Variants in CPA6 observed in about 807,000 individuals in gnomAD.
The protein encoded by CPA6 is carboxypeptidase B.
A neutral mutation model predicts 63.3 loss-of-function variants in CPA6; 58 were observed. The observed-to-expected ratio is 0.92, with a 90% confidence interval of 0.74 to 1.14. The LOEUF is 1.14. Among genes scored for constraint, CPA6 ranks in the 50% most tolerant of loss-of-function variants. The pLI is 0.00. For missense variants in CPA6, 565 were observed against 526.6 expected (o/e 1.07, Z -0.71); for synonymous variants, 185 against 179.0 (o/e 1.03, Z -0.27).
At chr8:67,460,551 T>C (rs1221337580) in intron 8 of CPA6, among the ~76,000 whole-genome samples, 1 of 152,200 alleles carries the variant, frequency 6.6e-6, no homozygotes, top group East Asian at 1.9e-4. Context: ...TCCCAATCTA[T>C]GAGTAGTGAA....
chr8:67,662,398 T>TAC (rs1816129276), intron 1 of CPA6, among the ~76,000 whole-genome samples: 1 of 150,376 alleles, frequency 6.6e-6, no homozygotes, highest in South Asian at 2.1e-4. Flanking sequence ...TGAGACTACA[T>TAC]ATATACACAC....
chr8:67,428,281 C>G (rs1438849013), intron 9 of CPA6, 150 bp from the exon 10 acceptor site: 9 of 537,426 alleles, frequency 1.7e-5, no homozygotes, highest in Non-Finnish European at 2.6e-5. Flanking sequence ...TCTTATGTCA[C>G]ACGCTACATT....
intron 2 of CPA6, among the ~76,000 whole-genome samples, chr8:67,601,488 T>G (rs1396250138): frequency 6.6e-6 from 1 of 152,140 alleles, no homozygotes; most frequent in Non-Finnish European, 1.5e-5. Flanking sequence ...CCACACAGAA[T>G]TGTTTTGGCA....
intron 2 of CPA6, among the ~76,000 whole-genome samples, chr8:67,518,695 G>C (rs1812200511): frequency 6.6e-6 from 1 of 151,238 alleles, no homozygotes; most frequent in Non-Finnish European, 1.5e-5. Flanking sequence ...TTTTTTAGTA[G>C]AGACAGGGTT....
At chr8:67,638,197 C>T (rs904371833) in intron 1 of CPA6, among the ~76,000 whole-genome samples, 6 of 151,164 alleles carry the variant, frequency 4.0e-5, no homozygotes, top group Non-Finnish European at 7.4e-5. Context: ...GAATTCAGAC[C>T]ACAGACTCCC....
intron 1 of CPA6, among the ~76,000 whole-genome samples, chr8:67,689,852 C>T (rs981597724): frequency 2.0e-5 from 3 of 152,224 alleles, no homozygotes; most frequent in African/African-American, 7.2e-5. Flanking sequence ...AATCTCCAAA[C>T]TGCTTTCCAC....
intron 1 of CPA6, among the ~76,000 whole-genome samples, chr8:67,710,404 C>CCA (rs1817232544): frequency 9.1e-6 from 1 of 109,752 alleles, no homozygotes; most frequent in African/African-American, 6.7e-5. Flanking sequence ...CCCGCCCCCA[C>CCA]CCCCCCCCAA....
At chr8:67,640,801 C>A (rs976767067) in intron 1 of CPA6, among the ~76,000 whole-genome samples, 1 of 151,570 alleles carries the variant, frequency 6.6e-6, no homozygotes, top group Admixed American at 6.6e-5. Flanking sequence ...CTCCTGTCTG[C>A]ATTTTCCCCA....
At chr8:67,614,618 C>A (rs1158454620) in intron 2 of CPA6, among the ~76,000 whole-genome samples, 2 of 152,148 alleles carry the variant, frequency 1.3e-5, no homozygotes, top group Non-Finnish European at 2.9e-5. Context: ...TACTAGAAAT[C>A]TTTCCCCTAA....
chr8:67,516,825 T>C (rs1181627983), intron 3 of CPA6, among the ~76,000 whole-genome samples: 1 of 152,052 alleles, frequency 6.6e-6, no homozygotes, highest in Non-Finnish European at 1.5e-5. Flanking sequence ...GCAGACAGCC[T>C]GCACTCTGTT....
intron 1 of CPA6, among the ~76,000 whole-genome samples, chr8:67,637,642 T>G (rs116756674): frequency 6.6e-6 from 1 of 151,332 alleles, no homozygotes; most frequent in Admixed American, 6.6e-5. Flanking sequence ...TAGGGGAAAA[T>G]TTTTCAAAGA....
intron 1 of CPA6, among the ~76,000 whole-genome samples, chr8:67,718,821 A>AT (rs1293321434): frequency 6.6e-6 from 1 of 151,856 alleles, no homozygotes; most frequent in African/African-American, 2.4e-5. Flanking sequence ...TAATTTTTGT[A>AT]TTTTTAGTAG....
intron 2 of CPA6, among the ~76,000 whole-genome samples, chr8:67,575,821 A>T (rs535446292): frequency 7.2e-5 from 11 of 151,824 alleles, no homozygotes; most frequent in Admixed American, 6.6e-4. Context: ...CAGCCTGGGC[A>T]ACAGAGTGAG....
intron 2 of CPA6, among the ~76,000 whole-genome samples, chr8:67,567,765 G>A (rs572778498): frequency 2.6e-5 from 4 of 152,254 alleles, no homozygotes; most frequent in Admixed American, 6.5e-5. Context: ...GCCACACAGG[G>A]TACTCCCCAG....
intron 1 of CPA6, among the ~76,000 whole-genome samples, chr8:67,672,621 C>T (rs560398409): frequency 5.3e-5 from 8 of 152,254 alleles, no homozygotes; most frequent in Non-Finnish European, 7.4e-5. Flanking sequence ...TCATAGAGCT[C>T]GGGCCCAATA....
At position 67,555,368 on chromosome 8, in the gene CPA6, A is replaced by C. The variant is rs371574867; in HGVS notation, c.193-37321T>G. 4.1e-4 allele frequency among the ~76,000 whole-genome samples: 63 copies of C among 152,262 alleles called. No homozygotes were observed. In the South Asian group the frequency reaches 0.012, roughly 30 times the overall value. The stretch of plus-strand genomic sequence containing the variant: ...TTTAATCAATCACGTCTACATAATG[A>C]AACCTTTACAAAGACCCCTAAATGA... On this transcript the variant is annotated intron_variant, in intron 2 of 10. Coordinates refer to ENST00000297770, the MANE Select transcript of CPA6 (RefSeq NM_020361.5).
chr8:67,709,806 A>T (rs1281471304), intron 1 of CPA6, among the ~76,000 whole-genome samples: 1 of 152,206 alleles, frequency 6.6e-6, no homozygotes, highest in Non-Finnish European at 1.5e-5. Flanking sequence ...CATACAGGTC[A>T]TAGGTGGATT....
intron 8 of CPA6, among the ~76,000 whole-genome samples, chr8:67,444,501 C>T (rs905984771): frequency 6.6e-6 from 1 of 151,640 alleles, no homozygotes; most frequent in Admixed American, 6.6e-5. Flanking sequence ...AAAGTAAAAT[C>T]GGCTGAGTGC....
intron 3 of CPA6, among the ~76,000 whole-genome samples, chr8:67,516,409 C>T (rs1349090872): frequency 1.3e-5 from 2 of 152,144 alleles, no homozygotes; most frequent in African/African-American, 4.8e-5. Context: ...TCGATGTCTC[C>T]CTCCCTACAG....
Sources: gnomAD v4.1 joint callset for allele counts (sites outside exome capture counted in the v4.1 genomes callset) on GRCh38, gnomAD v4.1.1 for gene constraint, MANE v1.5 for transcripts, NCBI Gene and HGNC (gene_info 2026-07-23, HGNC 2026-07-21) for gene names.